PDSS1: variants seen among roughly 807,000 people sequenced by gnomAD.
PDSS1 encodes the protein decaprenyl diphosphate synthase subunit 1.
Under a neutral mutation model 57.5 loss-of-function variants are expected in PDSS1, and 43 were observed. The ratio of observed to expected loss-of-function variants is 0.75; its 90% CI spans 0.59 to 0.96. The LOEUF is 0.96. Ranked by LOEUF, PDSS1 falls within the 50% of genes least tolerant of loss-of-function variation. PDSS1 has a pLI of 0.00. For synonymous variants in PDSS1, 175 were observed against 191.3 expected (o/e 0.91, Z 0.70); for missense variants, 438 against 527.8 (o/e 0.83, Z 1.67).
At chr10:26,732,996 G>A (rs117845599) in intron 8 of PDSS1, among the ~76,000 whole-genome samples, 7,657 of 152,220 alleles carry the variant, frequency 0.05, 296 homozygotes, top group Non-Finnish European at 0.077. Flanking sequence ...GTTGAGGCAG[G>A]AGAATCGCTT....
Position 26,702,211 on chromosome 10 carries a change from G to A in PDSS1, c.162+17G>A, listed in dbSNP as rs1012943801. On this transcript the variant is annotated intron_variant, in intron 2 of 11. Coordinates refer to ENST00000376215, the MANE Select transcript of PDSS1 (RefSeq NM_014317.5). The stretch of plus-strand genomic sequence containing the variant: ...TTGTCTCAGGTAAGACTTTGGACTT[G>A]GACTTTTGAGTTAATGCTAGAATGA... 2.2e-6 allele frequency: 1 copy of A among 447,902 alleles called. No homozygotes were observed. Among genetic ancestry groups the A allele is most frequent in the Non-Finnish European group, 4.4e-6 (1 of 225,244 alleles). 27.7% of individuals were successfully genotyped at this position (447,902 alleles called of 1,614,324 possible).
intron 8 of PDSS1, chr10:26,734,858 C>A: frequency 2.3e-6 from 1 of 432,822 alleles, no homozygotes; most frequent in African/African-American, 2.0e-5. Context: ...GGCTAGCTTG[C>A]CGAGTGCTAG....
Position 26,704,433 on chromosome 10 carries a change from TG to T in PDSS1, c.163-239del, listed in dbSNP as rs143530252. 0.031 allele frequency among the ~76,000 whole-genome samples: 4,763 copies of T among 152,272 alleles called. 228 individuals carry two copies. The highest frequency in any genetic ancestry group is 0.11 in the African/African-American group (4,462 of 41,542). On this transcript the variant is annotated intron_variant, in intron 2 of 11. Transcript: ENST00000376215. ...ATATGAATATGGAAATGGCTTTCTT[TG>T]GGGGAAGGGATGGACTGAAGATGGT...
At chr10:26,716,250 T>C (rs1445694082) in intron 5 of PDSS1, among the ~76,000 whole-genome samples, 2 of 152,176 alleles carry the variant, frequency 1.3e-5, no homozygotes, top group South Asian at 2.1e-4. Context: ...ACTGGGGGTT[T>C]ACTTGCAATT....
intron 1 of PDSS1, among the ~76,000 whole-genome samples, chr10:26,698,799 AC>A (rs1834957329): frequency 6.6e-6 from 1 of 152,242 alleles, no homozygotes; most frequent in Non-Finnish European, 1.5e-5. Flanking sequence ...TCTACTTTGT[AC>A]CAAAGTAGAT....
intron 8 of PDSS1, among the ~76,000 whole-genome samples, chr10:26,729,200 C>T (rs773197476): frequency 6.6e-6 from 1 of 152,014 alleles, no homozygotes; most frequent in Non-Finnish European, 1.5e-5. Context: ...TTTTCAGCAC[C>T]CCATTTCTGG....
At chr10:26,741,528 A>G (rs1395648326) in intron 10 of PDSS1, among the ~76,000 whole-genome samples, 1 of 152,152 alleles carries the variant, frequency 6.6e-6, no homozygotes, top group Non-Finnish European at 1.5e-5. Context: ...AACACTCCCC[A>G]GCTGATCCCA....
intron 5 of PDSS1, among the ~76,000 whole-genome samples, chr10:26,713,775 C>T (rs1013871012): frequency 1.2e-4 from 19 of 152,172 alleles, no homozygotes; most frequent in African/African-American, 4.3e-4. Flanking sequence ...CCCCAGATCC[C>T]CCGTCAGTGC....
intron 8 of PDSS1, among the ~76,000 whole-genome samples, chr10:26,727,340 C>CTTTTTTTTTTT (rs71403885): frequency 1.4e-4 from 14 of 100,646 alleles, no homozygotes; most frequent in African/African-American, 5.2e-4. Context: ...CTCTCTCTCT[C>CTTTTTTTTTTT]TTTTTTTTTT....
At chr10:26,731,639 G>A (rs4749184) in intron 8 of PDSS1, among the ~76,000 whole-genome samples, 131,035 of 152,186 alleles carry the variant, frequency 0.86, 56,426 homozygotes, top group East Asian at 0.93. Flanking sequence ...GCAGCTTTTC[G>A]GAACCTCTTT....
intron 4 of PDSS1, among the ~76,000 whole-genome samples, chr10:26,709,133 C>T (rs767996692): frequency 1.3e-5 from 2 of 152,210 alleles, no homozygotes; most frequent in Non-Finnish European, 2.9e-5. Context: ...CCACTTGGGG[C>T]TGATCCACGC....
intron 10 of PDSS1, among the ~76,000 whole-genome samples, chr10:26,736,276 C>T (rs1038436130): frequency 6.6e-6 from 1 of 152,206 alleles, no homozygotes; most frequent in African/African-American, 2.4e-5. Flanking sequence ...TGTGGCTGTA[C>T]TGAATGTTAC....
rs1288993480 is a variant in PDSS1, at chr10:26,717,277, C to CTGGA, written c.468-2940_468-2937dup. ...ACAGAGTCTCGCTCTACCCCCCAGG[C>CTGGA]TGGAGTACAGTGGTGCAAGTCTCAG... On this transcript the variant is annotated intron_variant, in intron 5 of 11. Coordinates refer to ENST00000376215, the MANE Select transcript of PDSS1 (RefSeq NM_014317.5). Among the ~76,000 whole-genome samples the CTGGA allele has an allele frequency of 5.3e-5, 8 of 152,272 alleles. No individual in the cohort carries two copies. In the East Asian group the frequency reaches 1.2e-3, roughly 22 times the overall value.
rs1314240526 is a variant in PDSS1, at chr10:26,746,486, TTC to T, written c.*15_*16del. On this transcript the variant is annotated 3_prime_UTR_variant, in exon 12 of 12. Transcript: ENST00000376215. Reference sequence around the variant, plus strand: ...AAGAGATAAATGACAACTCTTTCTGTTCTTTCTGGCAGCTATCTTACCAGACT... The same window carrying T: ...AAGAGATAAATGACAACTCTTTCTGTTTTCTGGCAGCTATCTTACCAGACT... 2.5e-6 allele frequency: 4 copies of T among 1,613,920 alleles called. No homozygotes were observed. The highest frequency in any genetic ancestry group is 3.4e-6 in the Non-Finnish European group (4 of 1,179,810).
chr10:26,715,945 C>T (rs1588681836), intron 5 of PDSS1: 1 of 152,194 alleles, frequency 6.6e-6, no homozygotes, highest in African/African-American at 2.4e-5. Context: ...TTGCAGACAT[C>T]CATTATATCC....
At chr10:26,699,370 T>C (rs1834972851) in intron 1 of PDSS1, among the ~76,000 whole-genome samples, 1 of 151,284 alleles carries the variant, frequency 6.6e-6, no homozygotes, top group African/African-American at 2.4e-5. Flanking sequence ...CACCCTCTTA[T>C]GCCACTACAT....
At position 26,710,559 on chromosome 10, in the gene PDSS1, C is replaced by T. The variant is rs1368487640; in HGVS notation, c.467+791C>T. Among the ~76,000 whole-genome samples, 3 of 89,762 alleles carry T rather than the reference C, an allele frequency of 3.3e-5. 1 individual carries two copies. Among genetic ancestry groups the T allele is most frequent in the Non-Finnish European group, 7.6e-5 (3 of 39,482 alleles). The allele number at this position is 89,762 out of a possible 152,430, so 58.9% of individuals were successfully genotyped here. ...TTCACCATGTTGGCCAGGCTGGTCT[C>T]AAACTCCTGAACTCATGTGATCCAC... On this transcript the variant is annotated intron_variant, in intron 5 of 11. Transcript: ENST00000376215.
In PDSS1 at chr10:26,705,338, G is replaced by C; in HGVS notation, c.280G>C (p.Asp94His). The stretch of plus-strand genomic sequence containing the variant: ...AACACACAGTGGTGAAAAATACACC[G>C]ATCCTTTCAAACTCGGTTGGAGAGA... ...SKTHSGEKYTDPFKLGWRDLK... is the reference protein window; with the variant it reads ...SKTHSGEKYTHPFKLGWRDLK... The change falls in exon 4 of 12, where the codon GAT becomes CAT. Residue 94 changes from aspartate to histidine, a missense_variant. Transcript: ENST00000376215. The C allele has an allele frequency of 6.2e-7, 1 of 1,612,988 alleles. No homozygotes were observed. Among genetic ancestry groups the C allele is most frequent in the East Asian group, 2.2e-5 (1 of 44,826 alleles).
intron 5 of PDSS1, among the ~76,000 whole-genome samples, chr10:26,714,039 G>T (rs539034256): frequency 6.6e-6 from 1 of 152,200 alleles, no homozygotes; most frequent in Admixed American, 6.5e-5. Context: ...CCTCCCTCAG[G>T]TGTCAGTAAT....
Sources: allele counts gnomAD v4.1 joint callset (sites outside exome capture counted in the v4.1 genomes callset), GRCh38; gene constraint gnomAD v4.1.1; transcripts MANE v1.5; gene names NCBI Gene and HGNC (gene_info 2026-07-23, HGNC 2026-07-21).